SEPTIN10: variants seen among roughly 807,000 people sequenced by gnomAD.
The protein encoded by SEPTIN10 is septin-10.
SEPTIN10 carries 66 observed loss-of-function variants against 54.8 expected under a neutral mutation model. That is an observed-to-expected ratio of 1.21 (90% confidence interval 0.99 to 1.48). The LOEUF (loss-of-function observed/expected upper bound fraction) is 1.48. Among genes scored for constraint, SEPTIN10 ranks in the 40% most tolerant of loss-of-function variants. The pLI, the probability that SEPTIN10 is intolerant of heterozygous loss-of-function variation, is 0.00. For synonymous variants in SEPTIN10, 161 were observed against 181.0 expected (o/e 0.89, Z 0.89); for missense variants, 620 against 545.6 (o/e 1.14, Z -1.36).
intron 8 of SEPTIN10, among the ~76,000 whole-genome samples, chr2:109,556,244 A>G (rs4953721): frequency 0.16 from 24,322 of 152,164 alleles, 2,968 homozygotes; most frequent in African/African-American, 0.35. Context: ...GAGCCCTTCC[A>G]TTTGGGCTTG....
chr2:109,543,875 T>C lies in SEPTIN10; in HGVS notation c.*434A>G, dbSNP rs536438498. On this transcript the variant is annotated 3_prime_UTR_variant, in exon 11 of 11. Coordinates refer to ENST00000397712, the MANE Select transcript of SEPTIN10 (RefSeq NM_144710.5). ...ATTTCAGGTTTGGAATATCTGCATA[T>C]ACACAACGGGACCCGACTCTAATTA... 5.4e-6 allele frequency: 2 copies of C among 367,758 alleles called. No individual in the cohort carries two copies. Among genetic ancestry groups the C allele is most frequent in the East Asian group, 5.3e-5 (1 of 19,034 alleles). 22.8% of individuals were successfully genotyped at this position (367,758 alleles called of 1,614,324 possible). A position where few individuals can be genotyped will look rare whatever the true frequency, so the allele number is the denominator to read the frequency against.
At chr2:109,582,317 C>A (rs969324646) in intron 4 of SEPTIN10, among the ~76,000 whole-genome samples, 5 of 152,002 alleles carry the variant, frequency 3.3e-5, no homozygotes, top group African/African-American at 1.2e-4. Flanking sequence ...AACGCTATTG[C>A]TGTTTTTTTG....
At chr2:109,585,642 T>C (rs1394565082) in intron 3 of SEPTIN10, 79 bp downstream of exon 3, 3 of 952,472 alleles carry the variant, frequency 3.1e-6, no homozygotes, top group East Asian at 4.8e-5. Flanking sequence ...AACATGAGCA[T>C]TGTTCTGCCC....
rs1175999422 is a variant in SEPTIN10, at chr2:109,558,398, C to CA, written c.1029-5180dup. On this transcript the variant is annotated intron_variant, in intron 8 of 10. Transcript: ENST00000397712. ...AACTACTAAGCATACATCTTCCTTT[C>CA]AAAGCTACAGGTCCCACAATACTTC... is the stretch of plus-strand genomic sequence containing the variant. 7.9e-5 allele frequency among the ~76,000 whole-genome samples: 12 copies of CA among 152,236 alleles called. No individual in the cohort carries two copies. In the Middle Eastern group the frequency reaches 0.014, roughly 173 times the overall value.
Position 109,574,735 on chromosome 2 carries a change from T to G in SEPTIN10, c.446A>C (p.Gln149Pro), listed in dbSNP as rs757625865. The change falls in exon 5 of 11, where the codon CAG (glutamine) becomes CCG (proline). Residue 149 changes from glutamine (Q) to proline (P), a missense_variant. Coordinates refer to ENST00000397712, the MANE Select transcript of SEPTIN10 (RefSeq NM_144710.5). ...YQPIVDYIDA[Q>P]FEAYLQEELK... ...TTCTTCTTGGAGATAGGCCTCAAAC[T>G]GAGCATCTATGTAGTCAACTATTGG... is the stretch of plus-strand genomic sequence containing the variant. 1.1e-5 allele frequency: 17 copies of G among 1,598,626 alleles called. No homozygotes were observed. The highest frequency in any genetic ancestry group is 1.3e-5 in the Non-Finnish European group (15 of 1,173,446).
At position 109,563,372 on chromosome 2, in the gene SEPTIN10, CTTTT is replaced by C. The variant is rs570058471; in HGVS notation, c.1028+990_1028+993del. Among the ~76,000 whole-genome samples, 11 of 152,336 alleles carry C rather than the reference CTTTT, an allele frequency of 7.2e-5. No homozygotes were observed. The East Asian group carries it at 1.7e-3, about 24-fold the overall frequency. ...TAATTTGATGCACTCCTCCCCCTTT[CTTTT>C]GTTTACTCTGGTGCAGGTGCTAAGA... is the stretch of plus-strand genomic sequence containing the variant. On this transcript the variant is annotated intron_variant, in intron 8 of 10. Coordinates refer to ENST00000397712, the MANE Select transcript of SEPTIN10 (RefSeq NM_144710.5).
intron 10 of SEPTIN10, chr2:109,545,389 A>C: frequency 6.5e-7 from 1 of 1,533,046 alleles, no homozygotes; most frequent in Non-Finnish European, 8.7e-7. Flanking sequence ...ACATACCCCA[A>C]ACCTACACGC....
chr2:109,569,252 A>C (rs1317828718), intron 5 of SEPTIN10, among the ~76,000 whole-genome samples: 1 of 152,068 alleles, frequency 6.6e-6, no homozygotes, highest in African/African-American at 2.4e-5. Flanking sequence ...AAAATGGAGA[A>C]ACCCCATCTC....
intron 2 of SEPTIN10, among the ~76,000 whole-genome samples, chr2:109,587,757 C>T (rs1356188363): frequency 6.6e-6 from 1 of 151,816 alleles, no homozygotes; most frequent in African/African-American, 2.4e-5. Flanking sequence ...ACTAAAAATA[C>T]AAAAAATTAG....
chr2:109,547,966 T>C (rs545761371), intron 9 of SEPTIN10, among the ~76,000 whole-genome samples: 22 of 152,254 alleles, frequency 1.4e-4, no homozygotes, highest in African/African-American at 5.1e-4. Flanking sequence ...GGGAGCAACG[T>C]CTCCCTGAGG....
intron 2 of SEPTIN10, 88 bp downstream of exon 2, chr2:109,592,963 A>G: frequency 1.3e-6 from 1 of 789,780 alleles, no homozygotes; most frequent in South Asian, 3.7e-5. Context: ...TCTCTATCAC[A>G]AGAGTCTATA....
intron 8 of SEPTIN10, among the ~76,000 whole-genome samples, chr2:109,556,243 C>T (rs1044503942): frequency 6.6e-6 from 1 of 152,158 alleles, no homozygotes; most frequent in African/African-American, 2.4e-5. Context: ...TGAGCCCTTC[C>T]ATTTGGGCTT....
chr2:109,549,577 T>C (rs532944914), intron 9 of SEPTIN10, among the ~76,000 whole-genome samples: 1 of 152,298 alleles, frequency 6.6e-6, no homozygotes, highest in African/African-American at 2.4e-5. Context: ...TCTCAAAAAA[T>C]TAAAAACAAG....
At chr2:109,552,177 T>C (rs1006018154) in intron 9 of SEPTIN10, among the ~76,000 whole-genome samples, 1 of 152,150 alleles carries the variant, frequency 6.6e-6, no homozygotes, top group Non-Finnish European at 1.5e-5. Flanking sequence ...GCTGGAACAG[T>C]TTCATCCTGA....
intron 4 of SEPTIN10, among the ~76,000 whole-genome samples, chr2:109,579,556 G>C (rs1272714834): frequency 6.6e-6 from 1 of 151,616 alleles, no homozygotes; most frequent in African/African-American, 2.4e-5. Flanking sequence ...GCTAATTTTT[G>C]TATTTTGGTA....
chr2:109,613,668 G>T (rs1380764491), intron 1 of SEPTIN10, 130 bp downstream of exon 1: 18 of 594,802 alleles, frequency 3.0e-5, no homozygotes, highest in Non-Finnish European at 4.3e-5. Flanking sequence ...GGGGAGCACT[G>T]GGCGGGCGGG....
chr2:109,613,958 G>T lies in SEPTIN10; in HGVS notation c.-131C>A, dbSNP rs531889512. On this transcript the variant is annotated 5_prime_UTR_variant, in exon 1 of 11. Transcript: ENST00000397712. ...CGCGAGGCTAGGCTGCCTCCGCGAC[G>T]GGGAAGGGACAGGGGCGGGGCCGAG... 92 of 1,210,108 alleles carry T rather than the reference G, an allele frequency of 7.6e-5. No homozygotes were observed. Among genetic ancestry groups the T allele is most frequent in the African/African-American group, 3.8e-4 (24 of 63,446 alleles). The allele number at this position is 1,210,108 out of a possible 1,614,324, so 75.0% of individuals were successfully genotyped here.
chr2:109,568,008 TGAGG>T lies in SEPTIN10; in HGVS notation c.601-36_601-33del, dbSNP rs763748444. On this transcript the variant is annotated intron_variant, in intron 5 of 10. Transcript: ENST00000397712. ...AGAATAAAGAAAAACAAAATCTTAC[TGAGG>T]ATTTTTTTTTTTAATCCTGCAGCTG... 49 of 1,514,908 alleles carry T rather than the reference TGAGG, an allele frequency of 3.2e-5. No individual in the cohort carries two copies. In the Admixed American group the frequency reaches 1.0e-3, roughly 31 times the overall value. 93.8% of individuals were successfully genotyped at this position (1,514,908 alleles called of 1,614,324 possible).
At chr2:109,598,965 A>T (rs1375251174) in intron 1 of SEPTIN10, among the ~76,000 whole-genome samples, 1 of 152,180 alleles carries the variant, frequency 6.6e-6, no homozygotes, top group African/African-American at 2.4e-5. Context: ...TTGAAACAAT[A>T]CTTTGAAAGA....
Sources: allele counts gnomAD v4.1 joint callset (sites outside exome capture counted in the v4.1 genomes callset), GRCh38; gene constraint gnomAD v4.1.1; transcripts MANE v1.5; gene names NCBI Gene and HGNC (gene_info 2026-07-23, HGNC 2026-07-21).